RCC2: variants seen among roughly 807,000 people sequenced by gnomAD.
The protein encoded by RCC2 is protein RCC2.
Under a neutral mutation model 64.1 loss-of-function variants are expected in RCC2, and 19 were observed. That is an observed-to-expected ratio of 0.30 (90% CI 0.21 to 0.44). The LOEUF is 0.44. Among genes scored for constraint, RCC2 ranks in the 20% least tolerant of loss-of-function variants. RCC2 has a pLI of 1.00. For missense variants in RCC2, 508 were observed against 710.4 expected (o/e 0.72, Z 3.24); for synonymous variants, 325 against 279.6 (o/e 1.16, Z -1.62).
chr1:17,413,796 C>A, intron 8 of RCC2, 79 bp from the exon 9 acceptor site: 1 of 1,283,706 alleles, frequency 7.8e-7, no homozygotes, highest in African/African-American at 1.5e-5. Context: ...TCTGTGCAGA[C>A]AACCTGGTGC....
intron 4 of RCC2, among the ~76,000 whole-genome samples, chr1:17,424,213 C>T (rs184428934): frequency 2.1e-3 from 315 of 152,282 alleles, no homozygotes; most frequent in Admixed American, 3.1e-3. Context: ...TCTAGAGTGG[C>T]GAGCAGTGGG....
intron 7 of RCC2, among the ~76,000 whole-genome samples, chr1:17,418,396 C>T (rs545233472): frequency 2.6e-5 from 4 of 152,128 alleles, no homozygotes; most frequent in African/African-American, 9.7e-5. Context: ...CGGTGGCTCG[C>T]GCCTGTAATC....
At chr1:17,425,030 G>A (rs1234184282) in intron 4 of RCC2, among the ~76,000 whole-genome samples, 1 of 152,218 alleles carries the variant, frequency 6.6e-6, no homozygotes, top group Non-Finnish European at 1.5e-5. Flanking sequence ...AACACGGACA[G>A]TGAGCTGCCA....
chr1:17,436,699 A>G (rs748273161), intron 2 of RCC2, among the ~76,000 whole-genome samples: 3 of 152,180 alleles, frequency 2.0e-5, no homozygotes, highest in Admixed American at 6.5e-5. Flanking sequence ...AACAGTCTGG[A>G]GCTGTACAGC....
At chr1:17,410,136 CCCACTAACCAGAAG>C (rs1371115193) in intron 11 of RCC2, 85 bp from the exon 12 acceptor site, 1 of 1,235,080 alleles carries the variant, frequency 8.1e-7, no homozygotes, top group Non-Finnish European at 1.2e-6. Context: ...TTTCCTGGCC[CCCACTAACCAGAAG>C]CCAGTGATGA....
Position 17,423,196 on chromosome 1 carries a change from AC to A in RCC2, c.524-361del, listed in dbSNP as rs1203609875. Among the ~76,000 whole-genome samples the A allele has an allele frequency of 4.6e-5, 7 of 151,920 alleles. No homozygotes were observed. In the East Asian group the frequency reaches 9.7e-4, roughly 21 times the overall value. ...CACTTAGAGTGCCTGCAAGACAACC[AC>A]CCCGTCCCTACCCTCTGAGATGTAT... On this transcript the variant is annotated intron_variant, in intron 4 of 12. Transcript: ENST00000375436.
chr1:17,422,130 C>T, intron 6 of RCC2, 73 bp downstream of exon 6: 1 of 1,098,254 alleles, frequency 9.1e-7, no homozygotes, highest in Non-Finnish European at 1.3e-6. Context: ...AAACGGAGAC[C>T]CCACCTTAGA....
chr1:17,411,527 G>A (rs2075424679), intron 11 of RCC2, among the ~76,000 whole-genome samples: 1 of 149,738 alleles, frequency 6.7e-6, no homozygotes, highest in Admixed American at 6.7e-5. Flanking sequence ...AGGGTGCAGT[G>A]AGCCAAGATC....
At chr1:17,418,151 C>A (rs2075510047) in intron 7 of RCC2, among the ~76,000 whole-genome samples, 1 of 151,820 alleles carries the variant, frequency 6.6e-6, no homozygotes, top group Non-Finnish European at 1.5e-5. Flanking sequence ...ACGCTACACA[C>A]AATAAAACTC....
rs2100349752 is a variant in RCC2 at position 17,410,069 on chromosome 1, A to T, written c.1387-18T>A. The T allele has an allele frequency of 6.2e-7, 1 of 1,611,716 alleles. No individual in the cohort carries two copies. Among genetic ancestry groups the T allele is most frequent in the Non-Finnish European group, 8.5e-7 (1 of 1,178,450 alleles). On this transcript the variant is annotated intron_variant, in intron 11 of 12. Transcript: ENST00000375436. The stretch of plus-strand genomic sequence containing the variant: ...CCGTAGCCCTGGCGAAGCAAACAAG[A>T]TGTTCGCAATCGAGGATCCATGTGG...
rs189666114 is a variant in RCC2, at chr1:17,411,315, G to A, written c.1386+807C>T. 6.6e-5 allele frequency among the ~76,000 whole-genome samples: 10 copies of A among 152,264 alleles called. 1 individual carries two copies. Among genetic ancestry groups the A allele is most frequent in the Admixed American group, 5.2e-4 (8 of 15,296 alleles). ...GCCTTGGCCAGGTGCAGTGGCTCAC[G>A]CCTGTAATCCCAGCACTTTGGGAGG... On this transcript the variant is annotated intron_variant, in intron 11 of 12. Coordinates refer to ENST00000375436, the MANE Select transcript of RCC2 (RefSeq NM_018715.4).
intron 2 of RCC2, among the ~76,000 whole-genome samples, chr1:17,436,877 A>G (rs2075740448): frequency 6.6e-6 from 1 of 152,234 alleles, no homozygotes. Context: ...ACTAGACGTC[A>G]AAGGAAAACA....
In RCC2 at chr1:17,408,205, T is replaced by C. The variant is rs2075384983; in HGVS notation, c.*885A>G. On this transcript the variant is annotated 3_prime_UTR_variant, in exon 13 of 13. Coordinates refer to ENST00000375436, the MANE Select transcript of RCC2 (RefSeq NM_018715.4). The stretch of plus-strand genomic sequence containing the variant: ...CGATCGAGGCTGGCACAGAAAGGGC[T>C]GATCCTTCTTGCAAGGACTGGAGAA... 6.6e-6 allele frequency: 1 copy of C among 152,322 alleles called. No individual in the cohort carries two copies. Among genetic ancestry groups the C allele is most frequent in the Non-Finnish European group, 1.5e-5 (1 of 68,128 alleles). 9.4% of individuals were successfully genotyped at this position (152,322 alleles called of 1,614,324 possible). A position where few individuals can be genotyped will look rare whatever the true frequency, so the allele number is the denominator to read the frequency against.
chr1:17,428,124 G>A (rs1285446429), intron 3 of RCC2, among the ~76,000 whole-genome samples: 1 of 152,206 alleles, frequency 6.6e-6, no homozygotes, highest in Admixed American at 6.5e-5. Context: ...CCCTTCCCTG[G>A]GCTTCTGTAT....
intron 8 of RCC2, among the ~76,000 whole-genome samples, chr1:17,414,640 T>C (rs1158143965): frequency 2.6e-5 from 4 of 151,432 alleles, no homozygotes; most frequent in African/African-American, 9.7e-5. Context: ...TCGTTTCTTT[T>C]CCCCCCCTCG....
chr1:17,411,005 A>G (rs149512098), intron 11 of RCC2, among the ~76,000 whole-genome samples: 418 of 152,246 alleles, frequency 2.7e-3, no homozygotes, highest in African/African-American at 9.6e-3. Context: ...GCCAGACTCC[A>G]AGGGTGTGCA....
intron 8 of RCC2, among the ~76,000 whole-genome samples, chr1:17,414,992 TCA>T (rs1350313684): frequency 6.6e-6 from 1 of 152,202 alleles, no homozygotes; most frequent in African/African-American, 2.4e-5. Context: ...TGAAATGAAC[TCA>T]GAGACACTTC....
At chr1:17,429,251 C>A (rs1352969200) in intron 2 of RCC2, 52 bp from the exon 3 acceptor site, 7 of 1,403,326 alleles carry the variant, frequency 5.0e-6, no homozygotes, top group Non-Finnish European at 5.1e-6. Flanking sequence ...CTGCACCTAG[C>A]TTTCCAAGGC....
Position 17,412,197 on chromosome 1 carries a change from G to A in RCC2, c.1314-3C>T. The A allele has an allele frequency of 6.2e-7, 1 of 1,613,934 alleles. No homozygotes were observed. The highest frequency in any genetic ancestry group is 8.5e-7 in the Non-Finnish European group (1 of 1,179,910). On this transcript the variant is annotated splice_region_variant and splice_polypyrimidine_tract_variant and intron_variant, in intron 10 of 12. Transcript: ENST00000375436. ...CGGCCACAATGATGCTGCTCTTCCT[G>A]CAAACAGGCAGGCTGTCACTGCAGG...
Sources: gnomAD v4.1 joint callset for allele counts (sites outside exome capture counted in the v4.1 genomes callset) on GRCh38, gnomAD v4.1.1 for gene constraint, MANE v1.5 for transcripts, NCBI Gene and HGNC (gene_info 2026-07-23, HGNC 2026-07-21) for gene names.